Variants in ACSL3 observed in about 807,000 individuals in gnomAD.
ACSL3 encodes the protein fatty acid CoA ligase Acsl3.
A neutral mutation model predicts 84.7 loss-of-function variants in ACSL3; 34 were observed. The ratio of observed to expected loss-of-function variants is 0.40; its 90% confidence interval spans 0.31 to 0.53. The LOEUF (loss-of-function observed/expected upper bound fraction) is 0.53. ACSL3 is among the 20% of genes least tolerant of loss of function. The pLI, the probability that ACSL3 is intolerant of heterozygous loss-of-function variation, is 0.48. For missense variants in ACSL3, 680 were observed against 873.1 expected, an observed-to-expected ratio of 0.78 and a Z score of 2.79; for synonymous variants, 315 against 299.4, an observed-to-expected ratio of 1.05 and a Z score of -0.54.
chr2:222,911,645 A>G (rs1426308638), intron 4 of ACSL3, among the ~76,000 whole-genome samples: 1 of 152,236 alleles, frequency 6.6e-6, no homozygotes, highest in Non-Finnish European at 1.5e-5. Flanking sequence ...GTCATTCGGT[A>G]TGTACAGCAG....
intron 1 of ACSL3, among the ~76,000 whole-genome samples, chr2:222,868,116 G>A (rs539355668): frequency 6.6e-6 from 1 of 152,050 alleles, no homozygotes; most frequent in Admixed American, 6.5e-5. Context: ...CTTGGGAAAC[G>A]TTTCTGTGTT....
At chr2:222,906,206 G>A (rs1696290042) in intron 3 of ACSL3, among the ~76,000 whole-genome samples, 1 of 152,172 alleles carries the variant, frequency 6.6e-6, no homozygotes, top group Non-Finnish European at 1.5e-5. Flanking sequence ...ATTCTGCACA[G>A]TGTACCCTCA....
chr2:222,876,161 G>T (rs906698795), intron 1 of ACSL3, among the ~76,000 whole-genome samples: 5 of 152,190 alleles, frequency 3.3e-5, no homozygotes, highest in African/African-American at 1.2e-4. Context: ...AAAGTATTGG[G>T]ATTAATAAGC....
chr2:222,914,481 C>T (rs1004360226), intron 4 of ACSL3, among the ~76,000 whole-genome samples: 6 of 152,146 alleles, frequency 3.9e-5, no homozygotes, highest in Non-Finnish European at 7.4e-5. Flanking sequence ...AGGCTGGTCT[C>T]GAATTCCTGG....
In ACSL3 at chr2:222,919,122, C is replaced by T. The variant is rs145194965; in HGVS notation, c.725C>T (p.Pro242Leu). The T allele has an allele frequency of 1.5e-5, 25 of 1,614,014 alleles. No homozygotes were observed. The highest frequency in any genetic ancestry group is 1.6e-4 in the Middle Eastern group (1 of 6,084). The change falls in exon 7 of 17, where the codon CCG becomes CTG. Residue 242 changes from proline to leucine, a missense_variant. Around this residue, in one of 2 missense-constraint regions of ACSL3, gnomAD observed 333 missense variants for 347.5 expected, o/e 0.96. Coordinates refer to ENST00000357430, the MANE Select transcript of ACSL3 (RefSeq NM_004457.5). ...RHIITVDGKP[P>L]TWSEFPKGII... ...ATCATCACTGTTGATGGAAAGCCAC[C>T]GACCTGGTCCGAGTTCCCCAAGGGC...
chr2:222,909,878 A>G (rs994012406), intron 4 of ACSL3: 2 of 152,028 alleles, frequency 1.3e-5, no homozygotes, highest in Non-Finnish European at 2.9e-5. Flanking sequence ...GTTAGTTGTT[A>G]TTATTTTCAC....
At chr2:222,923,599 G>A (rs969083552) in intron 10 of ACSL3, among the ~76,000 whole-genome samples, 2 of 152,172 alleles carry the variant, frequency 1.3e-5, no homozygotes, top group African/African-American at 4.8e-5. Flanking sequence ...AATGACTTAA[G>A]AGGGGCTGTT....
chr2:222,916,616 A>G (rs1198034659), intron 5 of ACSL3, 120 bp downstream of exon 5: 2 of 1,152,280 alleles, frequency 1.7e-6, no homozygotes, highest in Admixed American at 3.0e-5. Flanking sequence ...TTAGTGGAGA[A>G]CTCTGTTGTG....
In ACSL3 at chr2:222,924,586, T is replaced by C. The variant is rs1156907142; in HGVS notation, c.1283T>C (p.Leu428Pro). 1 of 1,603,306 alleles carries C rather than the reference T, an allele frequency of 6.2e-7. No individual in the cohort carries two copies. The highest frequency in any genetic ancestry group is 8.5e-7 in the Non-Finnish European group (1 of 1,176,280). Residue 428 changes from leucine to proline, a missense_variant, in exon 11 of 17, where the codon CTG (leucine) becomes CCG (proline). Leu to Pro is a moderately conservative substitution (Grantham distance 98). Coordinates refer to ENST00000357430, the MANE Select transcript of ACSL3 (RefSeq NM_004457.5). ...ATTTCAAAAGGACGTAATACTCCAC[T>C]GTGCGACAGGTAAGTAAAGACTCTC... The part of the protein sequence containing the change: ...EQISKGRNTP[L>P]CDSFVFRKVR...
At chr2:222,894,477 A>G (rs1036908698) in intron 2 of ACSL3, among the ~76,000 whole-genome samples, 2 of 152,252 alleles carry the variant, frequency 1.3e-5, no homozygotes, top group South Asian at 2.1e-4. Context: ...ACACAATTTT[A>G]TATTTCAAGA....
At chr2:222,900,059 G>A (rs1327107352) in intron 2 of ACSL3, among the ~76,000 whole-genome samples, 1 of 152,170 alleles carries the variant, frequency 6.6e-6, no homozygotes, top group Admixed American at 6.5e-5. Context: ...ATTCTAAGGT[G>A]TAGCAACATA....
At chr2:222,866,664 A>G (rs773631393) in intron 1 of ACSL3, among the ~76,000 whole-genome samples, 8 of 126,266 alleles carry the variant, frequency 6.3e-5, no homozygotes, top group Admixed American at 5.7e-4. Context: ...TGTGTAGGGA[A>G]AGGAGCTGTG....
Position 222,928,916 on chromosome 2 carries a change from A to T in ACSL3, c.1520A>T (p.Lys507Ile). The T allele has an allele frequency of 6.2e-7, 1 of 1,613,764 alleles. No individual in the cohort carries two copies. The highest frequency in any genetic ancestry group is 8.5e-7 in the Non-Finnish European group (1 of 1,179,776). Reference protein sequence around the residue: ...VGAPLVCCEIKLKNWEEGGYF... With the variant: ...VGAPLVCCEIILKNWEEGGYF... ...GCACCATTAGTTTGCTGTGAAATCA[A>T]ATTAAAAAACTGGGAGGAAGGTAAT... Residue 507 changes from lysine to isoleucine, a missense_variant, in exon 13 of 17, where the codon AAA becomes ATA. This residue lies in a region of ACSL3 where 347 missense variants were observed against 525.7 expected (regional missense o/e 0.66). Transcript: ENST00000357430.
intron 16 of ACSL3, among the ~76,000 whole-genome samples, chr2:222,939,707 C>T (rs895492327): frequency 2.0e-4 from 30 of 152,140 alleles, no homozygotes; most frequent in African/African-American, 7.0e-4. Context: ...GCCTTTGATG[C>T]GGTTGGTTTC....
chr2:222,876,657 A>G (rs555476933), intron 1 of ACSL3, among the ~76,000 whole-genome samples: 26 of 152,148 alleles, frequency 1.7e-4, no homozygotes, highest in African/African-American at 6.3e-4. Context: ...CTTTATGCCT[A>G]TTTAAATTAT....
chr2:222,930,921 T>G (rs1188469541), intron 14 of ACSL3, 109 bp downstream of exon 14: 3 of 1,020,164 alleles, frequency 2.9e-6, no homozygotes, highest in Non-Finnish European at 4.2e-6. Flanking sequence ...TATGTAATCT[T>G]AGTTTGGGTT....
chr2:222,904,404 A>G (rs1232497111), intron 3 of ACSL3, among the ~76,000 whole-genome samples: 1 of 152,160 alleles, frequency 6.6e-6, no homozygotes, highest in Non-Finnish European at 1.5e-5. Flanking sequence ...ATGTATAGGA[A>G]CGGTGGGTCT....
At chr2:222,877,897 T>G (rs1207166671) in intron 1 of ACSL3, among the ~76,000 whole-genome samples, 1 of 152,244 alleles carries the variant, frequency 6.6e-6, no homozygotes, top group Non-Finnish European at 1.5e-5. Context: ...AGTTTTTGTT[T>G]CTTGTTATTA....
intron 4 of ACSL3, among the ~76,000 whole-genome samples, chr2:222,910,850 A>T (rs1696422277): frequency 1.3e-5 from 2 of 152,012 alleles, no homozygotes; most frequent in Non-Finnish European, 2.9e-5. Flanking sequence ...CATATTCCCT[A>T]TTTCTTTTGC....
Sources: allele counts gnomAD v4.1 joint callset (sites outside exome capture counted in the v4.1 genomes callset), GRCh38; gene constraint gnomAD v4.1.1; regional missense constraint gnomAD v4.1.1; transcripts MANE v1.5; gene names NCBI Gene and HGNC (gene_info 2026-07-23, HGNC 2026-07-21).